Variants in ZNF385B observed in about 807,000 individuals in gnomAD.
ZNF385B encodes the protein zinc finger protein 385B.
In ZNF385B, 23 loss-of-function variants were observed where a neutral mutation model predicts 39.2. The observed-to-expected ratio is 0.59, with a 90% CI of 0.42 to 0.83. ZNF385B has a LOEUF of 0.83. Ranked by LOEUF, ZNF385B falls within the 40% of genes least tolerant of loss-of-function variation. ZNF385B has a pLI of 0.00. For missense variants in ZNF385B, 552 were observed against 598.9 expected (o/e 0.92, Z 0.82); for synonymous variants, 205 against 222.6 (o/e 0.92, Z 0.70).
intron 3 of ZNF385B, among the ~76,000 whole-genome samples, chr2:179,575,048 A>T (rs1013204942): frequency 1.3e-5 from 2 of 151,880 alleles, no homozygotes; most frequent in African/African-American, 4.8e-5. Context: ...CCCTCTCTGG[A>T]TGGTCTGCTT....
chr2:179,732,128 T>C (rs961432345), intron 3 of ZNF385B, among the ~76,000 whole-genome samples: 4 of 152,238 alleles, frequency 2.6e-5, no homozygotes, highest in African/African-American at 9.6e-5. Context: ...AGGAGTTTAA[T>C]GAAGTATCTT....
chr2:179,754,799 A>G (rs1391102237), intron 3 of ZNF385B, among the ~76,000 whole-genome samples: 3 of 151,506 alleles, frequency 2.0e-5, no homozygotes, highest in Admixed American at 1.3e-4. Context: ...ATTTTTTATT[A>G]TGTCTATTTG....
chr2:179,523,965 T>C (rs1438920155), intron 4 of ZNF385B, among the ~76,000 whole-genome samples: 1 of 152,014 alleles, frequency 6.6e-6, no homozygotes, highest in Admixed American at 6.6e-5. Flanking sequence ...TTTTTAAATT[T>C]TTATTTATTT....
chr2:179,448,159 A>C (rs2049702740), intron 6 of ZNF385B, among the ~76,000 whole-genome samples: 1 of 152,076 alleles, frequency 6.6e-6, no homozygotes, highest in Admixed American at 6.6e-5. Context: ...AGGATGACAA[A>C]AAATATGATG....
intron 3 of ZNF385B, among the ~76,000 whole-genome samples, chr2:179,726,989 G>A (rs1701063801): frequency 6.6e-6 from 1 of 151,990 alleles, no homozygotes; most frequent in South Asian, 2.1e-4. Flanking sequence ...TAACCACAAT[G>A]TGTGACTTAA....
At chr2:179,622,673 T>A (rs1221972066) in intron 3 of ZNF385B, among the ~76,000 whole-genome samples, 1 of 152,214 alleles carries the variant, frequency 6.6e-6, no homozygotes, top group Non-Finnish European at 1.5e-5. Flanking sequence ...AAATTTTTAA[T>A]CACAACTAGT....
At chr2:179,859,513 T>A (rs182177261) in intron 1 of ZNF385B, among the ~76,000 whole-genome samples, 64 of 152,266 alleles carry the variant, frequency 4.2e-4, no homozygotes, top group African/African-American at 1.5e-3. Context: ...GGACAGTAAT[T>A]TTTCCTTTGT....
intron 3 of ZNF385B, among the ~76,000 whole-genome samples, chr2:179,637,958 CTGGATTT>C (rs1659866646): frequency 6.6e-6 from 1 of 152,148 alleles, no homozygotes; most frequent in African/African-American, 2.4e-5. Context: ...TGAATTTGGA[CTGGATTT>C]TCGTATAGCT....
chr2:179,576,566 C>T (rs2106015882), intron 3 of ZNF385B, among the ~76,000 whole-genome samples: 1 of 152,254 alleles, frequency 6.6e-6, no homozygotes, highest in South Asian at 2.1e-4. Flanking sequence ...CACTTTGTTC[C>T]TGTAATACCT....
rs7572420 is a variant in ZNF385B at position 179,654,981 on chromosome 2, T to C, written c.299-110012A>G. ...ACAGAATCTGAGCCAATATATTTTATTCCAAATGAGGCTCTTTGATTTCTC... is the reference window on the plus strand; with the variant it reads ...ACAGAATCTGAGCCAATATATTTTACTCCAAATGAGGCTCTTTGATTTCTC... On this transcript the variant is annotated intron_variant, in intron 3 of 9. Transcript: ENST00000410066. Among the ~76,000 whole-genome samples the C allele has an allele frequency of 5.5e-3, 840 of 152,280 alleles. 9 individuals carry two copies. The highest frequency in any genetic ancestry group is 0.019 in the African/African-American group (809 of 41,564).
At chr2:179,699,931 C>G (rs1481288639) in intron 3 of ZNF385B, among the ~76,000 whole-genome samples, 1 of 152,102 alleles carries the variant, frequency 6.6e-6, no homozygotes, top group Non-Finnish European at 1.5e-5. Flanking sequence ...ACACCACTCA[C>G]CTTCAGAACT....
intron 3 of ZNF385B, among the ~76,000 whole-genome samples, chr2:179,714,708 G>C (rs1428085015): frequency 6.6e-6 from 1 of 152,028 alleles, no homozygotes; most frequent in African/African-American, 2.4e-5. Context: ...CACTTTGGGA[G>C]GGGGAGGCGG....
chr2:179,822,851 C>T (rs1210042726), intron 1 of ZNF385B, among the ~76,000 whole-genome samples: 1 of 152,136 alleles, frequency 6.6e-6, no homozygotes. Context: ...CCATCCATTA[C>T]ATATAAGGCA....
At chr2:179,756,157 T>C (rs1703000344) in intron 3 of ZNF385B, among the ~76,000 whole-genome samples, 1 of 152,040 alleles carries the variant, frequency 6.6e-6, no homozygotes, top group African/African-American at 2.4e-5. Flanking sequence ...CTTCAGGAGC[T>C]CTTTTAGGGC....
intron 3 of ZNF385B, among the ~76,000 whole-genome samples, chr2:179,610,677 A>G (rs1043605179): frequency 3.9e-5 from 6 of 152,152 alleles, no homozygotes; most frequent in African/African-American, 1.4e-4. Context: ...GATTATTCCA[A>G]TCCATGAACA....
chr2:179,666,248 G>A (rs3112968), intron 3 of ZNF385B, among the ~76,000 whole-genome samples: 32,170 of 152,066 alleles, frequency 0.21, 3,506 homozygotes, highest in Admixed American at 0.26. Context: ...GTTTGCCTAT[G>A]AGACTGAAAA....
At chr2:179,733,607 C>G (rs1361272172) in intron 3 of ZNF385B, among the ~76,000 whole-genome samples, 1 of 152,008 alleles carries the variant, frequency 6.6e-6, no homozygotes, top group East Asian at 1.9e-4. Flanking sequence ...AGGGTGAAAC[C>G]CCGTCTCTAC....
intron 3 of ZNF385B, among the ~76,000 whole-genome samples, chr2:179,648,114 G>A (rs1220210052): frequency 6.6e-6 from 1 of 152,070 alleles, no homozygotes; most frequent in Admixed American, 6.5e-5. Context: ...GGATGTCCAT[G>A]CTAGGGGGTG....
intron 3 of ZNF385B, among the ~76,000 whole-genome samples, chr2:179,572,979 T>C (rs536364017): frequency 6.6e-6 from 1 of 152,334 alleles, no homozygotes; most frequent in African/African-American, 2.4e-5. Flanking sequence ...TTAAAGTTAC[T>C]AGGACTATTT....
Sources: allele counts gnomAD v4.1 joint callset (sites outside exome capture counted in the v4.1 genomes callset), GRCh38; gene constraint gnomAD v4.1.1; transcripts MANE v1.5; gene names NCBI Gene and HGNC (gene_info 2026-07-23, HGNC 2026-07-21).